The following WWOX variants were observed in gnomAD, a reference collection of about 807,000 sequenced individuals.
WWOX encodes WW domain-containing oxidoreductase.
A neutral mutation model predicts 46.2 loss-of-function variants in WWOX; 69 were observed. The observed-to-expected ratio is 1.49, with a 90% confidence interval of 1.23 to 1.82. The LOEUF (loss-of-function observed/expected upper bound fraction) is 1.82, where lower values mean the gene tolerates loss of function less well. Ranked by LOEUF, WWOX falls within the 40% of genes most tolerant of loss-of-function variation. The pLI, the probability that WWOX is intolerant of heterozygous loss-of-function variation, is 0.00. For synonymous variants in WWOX, 359 were observed against 202.6 expected, an observed-to-expected ratio of 1.77 and a Z score of -6.56; for missense variants, 919 against 542.6, an observed-to-expected ratio of 1.69 and a Z score of -6.89.
At chr16:78,891,908 C>T (rs11639940) in intron 8 of WWOX, 53,007 of 152,018 alleles carry the variant, frequency 0.35, 10,506 homozygotes, top group Non-Finnish European at 0.44. Flanking sequence ...GTTGGTTTTC[C>T]GGAGTTTGCT....
intron 5 of WWOX, among the ~76,000 whole-genome samples, chr16:78,343,444 T>G (rs1417736577): frequency 8.3e-6 from 1 of 121,122 alleles, no homozygotes; most frequent in Non-Finnish European, 2.0e-5. Flanking sequence ...CCATTTTTGG[T>G]GGGACCTGAA....
At chr16:78,834,250 G>A (rs1022146463) in intron 8 of WWOX, among the ~76,000 whole-genome samples, 6 of 152,140 alleles carry the variant, frequency 3.9e-5, no homozygotes, top group Admixed American at 2.6e-4. Flanking sequence ...AACATGGAGA[G>A]GCCCAAAAGG....
Position 78,137,381 on chromosome 16 carries a change from C to T in WWOX, c.409+22227C>T, listed in dbSNP as rs146985049. Among the ~76,000 whole-genome samples, 279 of 152,272 alleles carry T rather than the reference C, an allele frequency of 1.8e-3. 1 individual carries two copies. Among genetic ancestry groups the T allele is most frequent in the African/African-American group, 6.2e-3 (257 of 41,534 alleles). On this transcript the variant is annotated intron_variant, in intron 4 of 8. Coordinates refer to ENST00000566780, the MANE Select transcript of WWOX (RefSeq NM_016373.4). ...ATCTTTCACCCCGGAGTCTCAGTTT[C>T]CTCATCTGTAAAATGGGAACCATGA...
intron 8 of WWOX, among the ~76,000 whole-genome samples, chr16:78,556,168 C>A (rs563266447): frequency 6.6e-6 from 1 of 151,764 alleles, no homozygotes; most frequent in Non-Finnish European, 1.5e-5. Context: ...TTAGGCCCTC[C>A]TTATAATTTT....
At chr16:79,207,201 T>G (rs2150848509) in intron 8 of WWOX, among the ~76,000 whole-genome samples, 1 of 152,374 alleles carries the variant, frequency 6.6e-6, no homozygotes, top group East Asian at 1.9e-4. Context: ...TGATAAATGA[T>G]TCTGTTCCTA....
At chr16:78,633,317 T>A (rs1216373818) in intron 8 of WWOX, among the ~76,000 whole-genome samples, 1 of 152,158 alleles carries the variant, frequency 6.6e-6, no homozygotes, top group Admixed American at 6.5e-5. Flanking sequence ...ATAAGTATCT[T>A]CTATGGGGCT....
chr16:78,893,333 T>C (rs1227481826), intron 8 of WWOX, among the ~76,000 whole-genome samples: 1 of 152,202 alleles, frequency 6.6e-6, no homozygotes, highest in Non-Finnish European at 1.5e-5. Context: ...TCCTTTCGCC[T>C]GTCCCCTCTC....
intron 8 of WWOX, among the ~76,000 whole-genome samples, chr16:78,614,097 A>G (rs2045963128): frequency 6.6e-6 from 1 of 152,218 alleles, no homozygotes; most frequent in East Asian, 1.9e-4. Flanking sequence ...CCCTGGAGGT[A>G]GCACCTTGTA....
intron 8 of WWOX, among the ~76,000 whole-genome samples, chr16:78,841,007 G>A (rs958045539): frequency 2.0e-5 from 3 of 151,958 alleles, no homozygotes; most frequent in African/African-American, 7.3e-5. Flanking sequence ...GGGGTCCACG[G>A]GTCCATCCTG....
intron 8 of WWOX, among the ~76,000 whole-genome samples, chr16:78,986,187 A>G (rs938929374): frequency 1.3e-5 from 2 of 152,210 alleles, no homozygotes; most frequent in Admixed American, 6.5e-5. Flanking sequence ...TCACACATTT[A>G]TATTTTTACA....
intron 8 of WWOX, among the ~76,000 whole-genome samples, chr16:78,973,143 C>T (rs544794450): frequency 1.3e-5 from 2 of 152,112 alleles, no homozygotes; most frequent in Non-Finnish European, 2.9e-5. Flanking sequence ...GGTGGGGTTG[C>T]GGAAATCTCT....
intron 8 of WWOX, among the ~76,000 whole-genome samples, chr16:78,882,411 C>T (rs1289170372): frequency 6.6e-6 from 1 of 151,988 alleles, no homozygotes; most frequent in African/African-American, 2.4e-5. Context: ...ATTACCTGTG[C>T]CTCCCATTAA....
At chr16:78,528,089 C>G (rs1360232089) in intron 8 of WWOX, among the ~76,000 whole-genome samples, 1 of 142,110 alleles carries the variant, frequency 7.0e-6, no homozygotes, top group African/African-American at 2.6e-5. Flanking sequence ...AGTTCTGCCT[C>G]CTGGGTTCGT....
intron 8 of WWOX, among the ~76,000 whole-genome samples, chr16:79,103,499 G>C (rs1043060818): frequency 6.6e-6 from 1 of 152,114 alleles, no homozygotes; most frequent in Non-Finnish European, 1.5e-5. Flanking sequence ...GCCCCCACTG[G>C]GAACCCTTAG....
At chr16:78,462,139 T>TA (rs1329858104) in intron 8 of WWOX, among the ~76,000 whole-genome samples, 1 of 152,206 alleles carries the variant, frequency 6.6e-6, no homozygotes, top group Admixed American at 6.5e-5. Flanking sequence ...CTCTGAGTAT[T>TA]ACAGTTGGAG....
chr16:78,958,294 C>G (rs568978579), intron 8 of WWOX, among the ~76,000 whole-genome samples: 2 of 152,138 alleles, frequency 1.3e-5, no homozygotes, highest in South Asian at 2.1e-4. Flanking sequence ...ATAGTGTCAT[C>G]AAAATAACAT....
At chr16:79,096,710 G>A (rs2150618600) in intron 8 of WWOX, among the ~76,000 whole-genome samples, 1 of 152,224 alleles carries the variant, frequency 6.6e-6, no homozygotes, top group South Asian at 2.1e-4. Context: ...CCCGCTCTTT[G>A]AGAATGCTGG....
intron 8 of WWOX, among the ~76,000 whole-genome samples, chr16:78,887,154 G>C (rs541532970): frequency 6.9e-6 from 1 of 145,012 alleles, no homozygotes; most frequent in Admixed American, 7.1e-5. Flanking sequence ...TCTAGGGCTA[G>C]GTTTGGGAAC....
At position 78,240,909 on chromosome 16, in the gene WWOX, G is replaced by C. The variant is rs1367574129; in HGVS notation, c.516+76620G>C. 2.6e-5 allele frequency among the ~76,000 whole-genome samples: 4 copies of C among 151,482 alleles called. 1 individual carries two copies. Among genetic ancestry groups the C allele is most frequent in the Non-Finnish European group, 1.5e-5 (1 of 67,756 alleles). ...TGAAGCCAAAGGGCTGAGAGGGAGA[G>C]ACTCCAAGAATGAATTAGTGTCCAG... On this transcript the variant is annotated intron_variant, in intron 5 of 8. Coordinates refer to ENST00000566780, the MANE Select transcript of WWOX (RefSeq NM_016373.4).
Sources: allele counts gnomAD v4.1 joint callset (sites outside exome capture counted in the v4.1 genomes callset), GRCh38; gene constraint gnomAD v4.1.1; transcripts MANE v1.5; gene names NCBI Gene and HGNC (gene_info 2026-07-23, HGNC 2026-07-21).